AGTPBP1: variants seen among roughly 807,000 people sequenced by gnomAD.
The protein encoded by AGTPBP1 is ATP/GTP binding carboxypeptidase 1.
A neutral mutation model predicts 143.9 loss-of-function variants in AGTPBP1; 70 were observed. The observed-to-expected ratio is 0.49, with a 90% CI of 0.40 to 0.59. The LOEUF (loss-of-function observed/expected upper bound fraction) is 0.59. AGTPBP1 is among the 20% of genes least tolerant of loss of function. The probability of loss-of-function intolerance (pLI) is 0.00; values close to 1 mark genes in which losing one functional copy is unlikely to be tolerated. For missense variants in AGTPBP1, 1,229 were observed against 1,464.5 expected (o/e 0.84, Z 2.62); for synonymous variants, 463 against 500.2 (o/e 0.93, Z 0.99).
At chr9:85,687,741 T>C (rs1835570560) in intron 3 of AGTPBP1, among the ~76,000 whole-genome samples, 2 of 152,142 alleles carry the variant, frequency 1.3e-5, no homozygotes, top group South Asian at 4.1e-4. Context: ...TCTATGGCTT[T>C]GAATGCCTCC....
the AGTPBP1 span, among the ~76,000 whole-genome samples, chr9:85,785,061 G>A: frequency 2.6e-5 from 4 of 152,078 alleles, no homozygotes; most frequent in Admixed American, 6.5e-5. Flanking sequence ...GGCCAGGTGC[G>A]GTGGCTCATG....
chr9:85,560,064 A>G (rs1826605519), intron 25 of AGTPBP1, among the ~76,000 whole-genome samples: 1 of 152,144 alleles, frequency 6.6e-6, no homozygotes, highest in Admixed American at 6.5e-5. Flanking sequence ...CAGCATTTGG[A>G]GACCCCCTCC....
intron 8 of AGTPBP1, among the ~76,000 whole-genome samples, chr9:85,666,728 G>A (rs371341597): frequency 4.6e-5 from 7 of 151,842 alleles, no homozygotes; most frequent in African/African-American, 1.7e-4. Flanking sequence ...TGACAACTTG[G>A]TTATAATAGA....
chr9:85,691,796 C>A (rs1223768622), intron 3 of AGTPBP1, among the ~76,000 whole-genome samples: 3 of 152,152 alleles, frequency 2.0e-5, no homozygotes, highest in Middle Eastern at 3.4e-3. Context: ...AGTACAAAGT[C>A]AATACTATTT....
chr9:85,611,033 T>G (rs1247965689), intron 17 of AGTPBP1, among the ~76,000 whole-genome samples: 3 of 151,890 alleles, frequency 2.0e-5, no homozygotes, highest in African/African-American at 2.4e-5. Flanking sequence ...AAACTCACAA[T>G]AGACAACTTA....
At chr9:85,756,258 G>C in the AGTPBP1 span, 1 of 1,582,514 alleles carries the variant, frequency 6.3e-7, no homozygotes, top group Non-Finnish European at 8.6e-7. Context: ...CAGGTATTCT[G>C]TTTAATACAC....
intron 25 of AGTPBP1, among the ~76,000 whole-genome samples, chr9:85,573,754 C>T (rs370048405): frequency 6.6e-6 from 1 of 150,922 alleles, no homozygotes; most frequent in African/African-American, 2.4e-5. Context: ...CTCTGCCCCA[C>T]CACCCCGTCT....
At chr9:85,654,381 T>C (rs943549527) in intron 11 of AGTPBP1, among the ~76,000 whole-genome samples, 1 of 152,146 alleles carries the variant, frequency 6.6e-6, no homozygotes, top group Non-Finnish European at 1.5e-5. Context: ...CATATTTTCA[T>C]CCAAGTAAGT....
At chr9:85,720,165 G>T (rs150275478) in intron 1 of AGTPBP1, among the ~76,000 whole-genome samples, 1 of 152,144 alleles carries the variant, frequency 6.6e-6, no homozygotes, top group Non-Finnish European at 1.5e-5. Context: ...TCAGGATGAC[G>T]CTGGCCTCAT....
chr9:85,694,503 C>A (rs951580859), intron 2 of AGTPBP1, among the ~76,000 whole-genome samples: 13 of 152,168 alleles, frequency 8.5e-5, no homozygotes, highest in African/African-American at 3.1e-4. Flanking sequence ...TCACTTCTAA[C>A]CCCAACATAT....
intron 3 of AGTPBP1, among the ~76,000 whole-genome samples, chr9:85,688,921 T>A (rs568320047): frequency 6.6e-6 from 1 of 152,228 alleles, no homozygotes; most frequent in Non-Finnish European, 1.5e-5. Context: ...ATTTGATATG[T>A]ATCCTTCCTT....
At chr9:85,595,223 AAC>A (rs2133261591) in intron 18 of AGTPBP1, among the ~76,000 whole-genome samples, 1 of 152,334 alleles carries the variant, frequency 6.6e-6, no homozygotes, top group South Asian at 2.1e-4. Flanking sequence ...GCCATGTCAA[AAC>A]AGTTTAATTT....
At chr9:85,660,313 CA>C (rs899404326) in intron 9 of AGTPBP1, among the ~76,000 whole-genome samples, 4 of 151,506 alleles carry the variant, frequency 2.6e-5, no homozygotes, top group African/African-American at 7.3e-5. Flanking sequence ...TGAAGCCCCC[CA>C]AAAAAATATT....
intron 1 of AGTPBP1, among the ~76,000 whole-genome samples, chr9:85,737,750 T>C (rs1823900039): frequency 6.6e-6 from 1 of 152,184 alleles, no homozygotes; most frequent in Non-Finnish European, 1.5e-5. Context: ...AAAAATCCAC[T>C]TACTGGATTT....
chr9:85,577,682 T>A (rs1827982268), intron 24 of AGTPBP1, among the ~76,000 whole-genome samples: 1 of 152,302 alleles, frequency 6.6e-6, no homozygotes, highest in African/African-American at 2.4e-5. Context: ...AAGTTCTACT[T>A]TACTACTACT....
intron 14 of AGTPBP1, among the ~76,000 whole-genome samples, chr9:85,626,987 C>T (rs532090616): frequency 6.6e-6 from 1 of 152,218 alleles, no homozygotes; most frequent in Admixed American, 6.5e-5. Context: ...CCGCAGTATG[C>T]CAACCCTAAC....
intron 25 of AGTPBP1, among the ~76,000 whole-genome samples, chr9:85,557,594 ATC>A (rs1013353329): frequency 2.0e-5 from 3 of 152,198 alleles, no homozygotes; most frequent in African/African-American, 7.2e-5. Flanking sequence ...AGAAAGGAAA[ATC>A]TTTTTTCTTA....
intron 1 of AGTPBP1, among the ~76,000 whole-genome samples, chr9:85,733,113 C>A (rs1838997375): frequency 6.6e-6 from 1 of 152,002 alleles, no homozygotes; most frequent in African/African-American, 2.4e-5. Context: ...ATGATTTGAA[C>A]AACACAATGA....
At chr9:85,728,167 TGTGA>T (rs547719438) in intron 1 of AGTPBP1, among the ~76,000 whole-genome samples, 1 of 152,074 alleles carries the variant, frequency 6.6e-6, no homozygotes, top group South Asian at 2.1e-4. Flanking sequence ...TTCTTGGGCT[TGTGA>T]GTAAGAATGT....
Sources: gnomAD v4.1 joint callset for allele counts (sites outside exome capture counted in the v4.1 genomes callset) on GRCh38, gnomAD v4.1.1 for gene constraint, MANE v1.5 for transcripts, NCBI Gene and HGNC (gene_info 2026-07-23, HGNC 2026-07-21) for gene names.